The following NRTN variants were observed in gnomAD, a reference collection of about 807,000 sequenced individuals.
NRTN encodes the protein neurturin.
Under a neutral mutation model 7.5 loss-of-function variants are expected in NRTN, and 3 were observed. That is an observed-to-expected ratio of 0.40 (90% CI 0.18 to 1.03). The LOEUF (loss-of-function observed/expected upper bound fraction) is 1.03, where lower values mean the gene tolerates loss of function less well. NRTN is among the 50% of genes least tolerant of loss of function. The pLI is 0.34. For missense variants in NRTN, 310 were observed against 307.0 expected (o/e 1.01, Z -0.07); for synonymous variants, 157 against 146.6 (o/e 1.07, Z -0.51).
rs969069171 is a variant in NRTN, at chr19:5,822,287, C to T, written c.-398-1481C>T. Reference sequence around the variant, plus strand: ...GTACAAGGTGCACGCATTTGGGGGGCGCCTGGGAACCCCATGAGCCGAGCC... The same window carrying T: ...GTACAAGGTGCACGCATTTGGGGGGTGCCTGGGAACCCCATGAGCCGAGCC... On this transcript the variant is annotated intron_variant, in intron 1 of 2. Coordinates refer to ENST00000303212, the MANE Select transcript of NRTN (RefSeq NM_004558.5). Among the ~76,000 whole-genome samples, 5 of 152,236 alleles carry T rather than the reference C, an allele frequency of 3.3e-5. No homozygotes were observed. In the East Asian group the frequency reaches 5.8e-4, roughly 18 times the overall value.
intron 1 of NRTN, among the ~76,000 whole-genome samples, chr19:5,819,650 CAA>C (rs1269787917): frequency 6.6e-6 from 1 of 150,692 alleles, no homozygotes; most frequent in Non-Finnish European, 1.5e-5. Flanking sequence ...GCAACAAGAG[CAA>C]AATTCCATCT....
chr19:5,815,375 G>A (rs28541616), intron 1 of NRTN, among the ~76,000 whole-genome samples: 1,607 of 151,974 alleles, frequency 0.011, 22 homozygotes, highest in African/African-American at 0.035. Flanking sequence ...ACACCAGCAC[G>A]TGGATATAAC....
chr19:5,809,741 G>A (rs1487800558), intron 1 of NRTN, among the ~76,000 whole-genome samples: 1 of 152,050 alleles, frequency 6.6e-6, no homozygotes, highest in East Asian at 1.9e-4. Context: ...TTTACTGGCT[G>A]GATCTGCTCT....
At chr19:5,818,348 AGT>A (rs564722168) in intron 1 of NRTN, among the ~76,000 whole-genome samples, 4 of 151,620 alleles carry the variant, frequency 2.6e-5, no homozygotes, top group African/African-American at 7.3e-5. Context: ...GCAGTGTGTG[AGT>A]GTGTGAGTGT....
At chr19:5,812,528 T>A (rs1286961328) in intron 1 of NRTN, among the ~76,000 whole-genome samples, 2 of 152,234 alleles carry the variant, frequency 1.3e-5, no homozygotes, top group Non-Finnish European at 2.9e-5. Context: ...AGACGCAGTA[T>A]CGGAACCAGC....
chr19:5,810,661 C>T (rs568671883), intron 1 of NRTN, among the ~76,000 whole-genome samples: 142 of 151,898 alleles, frequency 9.3e-4, no homozygotes, highest in South Asian at 5.0e-3. Flanking sequence ...CAGCCGGGCG[C>T]AGTGGCTCGT....
rs533008604 is a variant in NRTN, at chr19:5,818,225, A to G, written c.-398-5543A>G. Reference sequence around the variant, plus strand: ...GTGATCCAACCGCCTCAGCCTCCCAAAGTGCTGGGATTACAGGTGTGAGCC... The same window carrying G: ...GTGATCCAACCGCCTCAGCCTCCCAGAGTGCTGGGATTACAGGTGTGAGCC... On this transcript the variant is annotated intron_variant, in intron 1 of 2. Coordinates refer to ENST00000303212, the MANE Select transcript of NRTN (RefSeq NM_004558.5). 1.7e-4 allele frequency among the ~76,000 whole-genome samples: 26 copies of G among 152,264 alleles called. No individual in the cohort carries two copies. In the South Asian group the frequency reaches 5.4e-3, roughly 32 times the overall value.
chr19:5,823,074 GAAAAA>G (rs1194798686), intron 1 of NRTN, among the ~76,000 whole-genome samples: 265 of 146,762 alleles, frequency 1.8e-3, no homozygotes, highest in Admixed American at 2.9e-3. Flanking sequence ...GAAAGGAAGA[GAAAAA>G]GAAAGAGAGA....
At chr19:5,827,255 T>C (rs2057049856) in intron 2 of NRTN, among the ~76,000 whole-genome samples, 1 of 152,110 alleles carries the variant, frequency 6.6e-6, no homozygotes. Flanking sequence ...GGATAGGGCA[T>C]GGGAAGCAGC....
Position 5,823,987 on chromosome 19 carries a change from C to A in NRTN, c.-179C>A. On this transcript the variant is annotated 5_prime_UTR_variant, in exon 2 of 3. Transcript: ENST00000303212. ...TCCCTGTGACTCCTGGCACGGAGGC[C>A]AACCCCTTCCTTGTTCAATGGTTCC... 1 of 861,788 alleles carries A rather than the reference C, an allele frequency of 1.2e-6. No homozygotes were observed. Among genetic ancestry groups the A allele is most frequent in the Non-Finnish European group, 1.8e-6 (1 of 552,502 alleles). The allele number at this position is 861,788 out of a possible 1,614,324, so 53.4% of individuals were successfully genotyped here.
In NRTN at chr19:5,824,151, G is replaced by A; in HGVS notation, c.-15G>A. On this transcript the variant is annotated 5_prime_UTR_variant, in exon 2 of 3. Transcript: ENST00000303212. ...CGGGGCGTGCGGCTGACCATCCCGT[G>A]CCCGCAGGCTGAGGATGCAGCGCTG... 6.2e-7 allele frequency: 1 copy of A among 1,604,584 alleles called. No homozygotes were observed. Among genetic ancestry groups the A allele is most frequent in the South Asian group, 1.1e-5 (1 of 91,016 alleles).
Position 5,828,050 on chromosome 19 carries a change from G to A in NRTN, c.471G>A (p.Glu157=). The A allele has an allele frequency of 2.1e-6, 3 of 1,420,496 alleles. No homozygotes were observed. The highest frequency in any genetic ancestry group is 1.5e-5 in the African/African-American group (1 of 66,842). 88.0% of individuals were successfully genotyped at this position (1,420,496 alleles called of 1,614,324 possible). ...RLRQRRRLRR[E]RVRAQPCCRP... ...GCCAGCGGCGGCGCCTGCGGCGGGAGCGGGTGCGCGCGCAGCCCTGCTGCC... is the reference window on the plus strand; with the variant it reads ...GCCAGCGGCGGCGCCTGCGGCGGGAACGGGTGCGCGCGCAGCCCTGCTGCC... Residue 157 remains glutamate, a synonymous_variant, in exon 3 of 3, where the codon GAG becomes GAA. Coordinates refer to ENST00000303212, the MANE Select transcript of NRTN (RefSeq NM_004558.5).
rs1179896119 is a variant in NRTN, at chr19:5,805,244, G to A, written c.-606G>A. Among the ~76,000 whole-genome samples, 10 of 145,116 alleles carry A rather than the reference G, an allele frequency of 6.9e-5. No homozygotes were observed. On this transcript the variant is annotated 5_prime_UTR_variant, in exon 1 of 3. Coordinates refer to ENST00000303212, the MANE Select transcript of NRTN (RefSeq NM_004558.5). ...CCCACCCCCAGCCCCAGCCCCCGCC[G>A]GCCCGGGATGGCCGCAGCCCGCGGC...
chr19:5,824,408 TG>T, intron 2 of NRTN, 74 bp downstream of exon 2: 1 of 1,406,754 alleles, frequency 7.1e-7, no homozygotes. Flanking sequence ...GAGTGGGAGG[TG>T]GTGGGGGGGT....
In NRTN at chr19:5,827,781, A is replaced by G; in HGVS notation, c.202A>G (p.Met68Val). 1 of 1,184,604 alleles carries G rather than the reference A, an allele frequency of 8.4e-7. No homozygotes were observed. Among genetic ancestry groups the G allele is most frequent in the Non-Finnish European group, 1.0e-6 (1 of 957,038 alleles). The allele number at this position is 1,184,604 out of a possible 1,614,324, so 73.4% of individuals were successfully genotyped here. Residue 68 changes from methionine to valine, a missense_variant, in exon 3 of 3, where the codon ATG (methionine) becomes GTG (valine). Coordinates refer to ENST00000303212, the MANE Select transcript of NRTN (RefSeq NM_004558.5). The part of the protein sequence containing the change: ...RALLQGAPDA[M>V]ELRELTPWAG... Reference sequence around the variant, plus strand: ...ACTCCTGCAGGGGGCCCCGGATGCGATGGAGCTGCGCGAGCTGACGCCCTG... The same window carrying G: ...ACTCCTGCAGGGGGCCCCGGATGCGGTGGAGCTGCGCGAGCTGACGCCCTG...
Position 5,826,649 on chromosome 19 carries a change from G to GT in NRTN, c.170-1099dup, listed in dbSNP as rs1458663305. On this transcript the variant is annotated intron_variant, in intron 2 of 2. Coordinates refer to ENST00000303212, the MANE Select transcript of NRTN (RefSeq NM_004558.5). ...AAGATTTCCTCTCCCAACCACAAGC[G>GT]TGACTGCCACCTGCTCTGGGGCTGG... is the stretch of plus-strand genomic sequence containing the variant. Among the ~76,000 whole-genome samples, 7 of 152,306 alleles carry GT rather than the reference G, an allele frequency of 4.6e-5. No individual in the cohort carries two copies. The South Asian group carries it at 6.2e-4, about 14-fold the overall frequency.
intron 1 of NRTN, among the ~76,000 whole-genome samples, chr19:5,815,962 C>G (rs2057004050): frequency 6.6e-6 from 1 of 152,058 alleles, no homozygotes; most frequent in Non-Finnish European, 1.5e-5. Flanking sequence ...CCAGGCTGGT[C>G]TCGAACTCCT....
chr19:5,827,664 T>G, intron 2 of NRTN, 85 bp from the exon 3 acceptor site: 1 of 577,636 alleles, frequency 1.7e-6, no homozygotes, highest in African/African-American at 2.1e-5. Context: ...GGGTCTTCGT[T>G]TGCAGGGGTA....
chr19:5,814,857 A>G (rs1463215972), intron 1 of NRTN, among the ~76,000 whole-genome samples: 1 of 152,150 alleles, frequency 6.6e-6, no homozygotes, highest in East Asian at 1.9e-4. Context: ...CTACGCTCCC[A>G]GCCCCTCCAG....
Sources: gnomAD v4.1 joint callset for allele counts (sites outside exome capture counted in the v4.1 genomes callset) on GRCh38, gnomAD v4.1.1 for gene constraint, MANE v1.5 for transcripts, NCBI Gene and HGNC (gene_info 2026-07-23, HGNC 2026-07-21) for gene names.